Variants in PDE1B observed in about 807,000 individuals in gnomAD.
PDE1B encodes phosphodiesterase 1B.
A neutral mutation model predicts 66.7 loss-of-function variants in PDE1B; 13 were observed. That is an observed-to-expected ratio of 0.19 (90% confidence interval 0.13 to 0.31). The LOEUF (loss-of-function observed/expected upper bound fraction) is 0.31. Ranked by LOEUF, PDE1B falls within the 10% of genes least tolerant of loss-of-function variation. The probability of loss-of-function intolerance (pLI) is 1.00; values close to 1 mark genes in which losing one functional copy is unlikely to be tolerated. For missense variants in PDE1B, 485 were observed against 682.3 expected (o/e 0.71, Z 3.22); for synonymous variants, 230 against 253.9 (o/e 0.91, Z 0.90).
chr12:54,561,756 TTGTGCG>T, intron 2 of PDE1B: 1 of 629,714 alleles, frequency 1.6e-6, no homozygotes, highest in Non-Finnish European at 2.7e-6. Context: ...CCCATATGTT[TTGTGCG>T]TGTGTGTGTG....
At position 54,570,331 on chromosome 12, in the gene PDE1B, C is replaced by T. The variant is rs747613027; in HGVS notation, c.568C>T (p.Arg190Trp). The T allele has an allele frequency of 6.2e-6, 10 of 1,610,846 alleles. No individual in the cohort carries two copies. Among genetic ancestry groups the T allele is most frequent in the African/African-American group, 4.0e-5 (3 of 74,808 alleles). The change falls in exon 6 of 16, where the codon CGG (arginine) becomes TGG (tryptophan). Residue 190 changes from arginine to tryptophan, a missense_variant. Arg to Trp is a moderately radical substitution (Grantham distance 101). This residue lies in a region of PDE1B where 282 missense variants were observed against 453.4 expected (regional missense o/e 0.62). Coordinates refer to ENST00000243052, the MANE Select transcript of PDE1B (RefSeq NM_000924.4). ...GACCATTGTTTTTGAGTTGCTGACT[C>T]GGCATAACCTCATCAGCCGCTTCAA... is the stretch of plus-strand genomic sequence containing the variant. ...LRTIVFELLTRHNLISRFKIP... is the reference protein window; with the variant it reads ...LRTIVFELLTWHNLISRFKIP...
At chr12:54,576,739 G>A (rs1207045992) in intron 14 of PDE1B, 38 bp downstream of exon 14, 2 of 1,570,456 alleles carry the variant, frequency 1.3e-6, no homozygotes, top group Admixed American at 1.9e-5. Context: ...GAGAACTTGT[G>A]TGGGTGGATC....
intron 2 of PDE1B, chr12:54,561,572 A>G (rs111971905): frequency 1.3e-6 from 2 of 1,518,164 alleles, no homozygotes; most frequent in African/African-American, 1.4e-5. Flanking sequence ...TGAAGCAGGA[A>G]ACTTTGATTC....
chr12:54,572,503 C>A, intron 6 of PDE1B, 98 bp from the exon 7 acceptor site: 2 of 1,167,104 alleles, frequency 1.7e-6, no homozygotes, highest in Non-Finnish European at 1.3e-6. Context: ...TCTCCCTATG[C>A]CACACTGCCT....
chr12:54,567,168 A>G, intron 3 of PDE1B, 81 bp downstream of exon 3: 1 of 708,316 alleles, frequency 1.4e-6, no homozygotes. Context: ...AAAGATAGAC[A>G]CATGTGGCAT....
intron 3 of PDE1B, among the ~76,000 whole-genome samples, chr12:54,568,946 C>T (rs1957568863): frequency 6.6e-6 from 1 of 152,184 alleles, no homozygotes; most frequent in Non-Finnish European, 1.5e-5. Context: ...AGATGCGTTC[C>T]ATTTCCTGCT....
At chr12:54,557,628 C>T (rs1339299674) in intron 2 of PDE1B, among the ~76,000 whole-genome samples, 2 of 152,222 alleles carry the variant, frequency 1.3e-5, no homozygotes, top group Non-Finnish European at 2.9e-5. Flanking sequence ...TAATCTGATG[C>T]TGCCCTCATC....
intron 2 of PDE1B, among the ~76,000 whole-genome samples, chr12:54,566,669 TG>T (rs767518660): frequency 5.3e-5 from 8 of 152,156 alleles, no homozygotes; most frequent in Non-Finnish European, 1.0e-4. Context: ...TGCTGGGCCC[TG>T]GCATTTTAAA....
chr12:54,556,815 G>C (rs1452770312), intron 2 of PDE1B, among the ~76,000 whole-genome samples: 1 of 151,060 alleles, frequency 6.6e-6, no homozygotes, highest in Non-Finnish European at 1.5e-5. Flanking sequence ...GGGTGATTAG[G>C]CTGCCAGCTG....
At chr12:54,566,243 G>A (rs895880702) in intron 2 of PDE1B, among the ~76,000 whole-genome samples, 7 of 152,196 alleles carry the variant, frequency 4.6e-5, no homozygotes, top group African/African-American at 1.4e-4. Flanking sequence ...TATCCTGGAA[G>A]AAGCTTCAGT....
chr12:54,576,025 C>G lies in PDE1B; in HGVS notation c.1301C>G (p.Ser434Cys). ...GACTTCATTGTGGAGCCCACATTCT[C>G]TGTGCTGACTGACGTGGCAGAGAAG... ...FIDFIVEPTF[S>C]VLTDVAEKSV... is the part of the protein sequence containing the mutation. Residue 434 changes from serine to cysteine, a missense_variant, in exon 13 of 16, where the codon TCT becomes TGT. By Grantham distance (112) the Ser-to-Cys change is moderately radical. This residue lies in a region of PDE1B where 126 missense variants were observed against 133.8 expected (regional missense o/e 0.94). Coordinates refer to ENST00000243052, the MANE Select transcript of PDE1B (RefSeq NM_000924.4). 6.2e-7 allele frequency: 1 copy of G among 1,613,958 alleles called. No individual in the cohort carries two copies. The highest frequency in any genetic ancestry group is 8.5e-7 in the Non-Finnish European group (1 of 1,179,770).
At chr12:54,553,227 G>T (rs1957302286) in intron 2 of PDE1B, among the ~76,000 whole-genome samples, 2 of 152,094 alleles carry the variant, frequency 1.3e-5, no homozygotes, top group South Asian at 4.1e-4. Flanking sequence ...TTTTCTTTAG[G>T]GGGGTTATAT....
intron 3 of PDE1B, among the ~76,000 whole-genome samples, 179 bp downstream of exon 3, chr12:54,567,266 G>A (rs1957531724): frequency 6.6e-6 from 1 of 152,044 alleles, no homozygotes; most frequent in South Asian, 2.1e-4. Context: ...GCACTTTGGA[G>A]GCCAAGATGG....
At chr12:54,561,798 C>G (rs1017065985) in intron 2 of PDE1B, among the ~76,000 whole-genome samples, 4 of 151,772 alleles carry the variant, frequency 2.6e-5, no homozygotes, top group African/African-American at 7.3e-5. Context: ...GCCAACTTCA[C>G]CTTTTACTCT....
intron 15 of PDE1B, 66 bp from the exon 16 acceptor site, chr12:54,577,794 G>T: frequency 2.5e-6 from 1 of 406,764 alleles, no homozygotes. Flanking sequence ...AGGACTTGGA[G>T]AAGGAAGGTC....
chr12:54,569,674 C>A lies in PDE1B; in HGVS notation c.477+62C>A. On this transcript the variant is annotated intron_variant, in intron 5 of 15. Coordinates refer to ENST00000243052, the MANE Select transcript of PDE1B (RefSeq NM_000924.4). This position sits in a 1 kb window ranked among gnomAD's most constrained non-coding sequence, Gnocchi z 4.4. ...GGGGATGGAATAGCCACTGGGACTT[C>A]TAGACCCTGTTTATGGCATTATTTT... 5.5e-6 allele frequency: 6 copies of A among 1,090,116 alleles called. No individual in the cohort carries two copies. The highest frequency in any genetic ancestry group is 8.5e-6 in the Non-Finnish European group (6 of 708,458). 67.5% of individuals were successfully genotyped at this position (1,090,116 alleles called of 1,614,324 possible).
chr12:54,556,486 C>T lies in PDE1B; in HGVS notation c.113+6501C>T, dbSNP rs570494969. On this transcript the variant is annotated intron_variant, in intron 2 of 15. Coordinates refer to ENST00000243052, the MANE Select transcript of PDE1B (RefSeq NM_000924.4). ...GTATCCCCCAGTCCTGCAACTGCTC[C>T]TTTTCCCTCAGCTGGGGTTGCATCT... is the stretch of plus-strand genomic sequence containing the variant. Among the ~76,000 whole-genome samples the T allele has an allele frequency of 2.0e-5, 3 of 152,330 alleles. No homozygotes were observed. The East Asian group carries it at 5.8e-4, about 29-fold the overall frequency.
At chr12:54,555,298 A>G (rs958747397) in intron 2 of PDE1B, among the ~76,000 whole-genome samples, 2 of 152,212 alleles carry the variant, frequency 1.3e-5, no homozygotes, top group Middle Eastern at 3.2e-3. Context: ...CCTAGGCCTG[A>G]GGGTATCATC....
At chr12:54,566,839 T>C in intron 2 of PDE1B, 135 bp from the exon 3 acceptor site, 1 of 465,656 alleles carries the variant, frequency 2.1e-6, no homozygotes, top group Non-Finnish European at 3.8e-6. Context: ...GCTGCTATTA[T>C]TATTAATGTT....
Sources: allele counts gnomAD v4.1 joint callset (sites outside exome capture counted in the v4.1 genomes callset), GRCh38; gene constraint gnomAD v4.1.1; regional missense constraint gnomAD v4.1.1; non-coding constraint Gnocchi (gnomAD v3.1); transcripts MANE v1.5; gene names NCBI Gene and HGNC (gene_info 2026-07-23, HGNC 2026-07-21).